Variants in NHS observed in about 807,000 individuals in gnomAD.
The protein encoded by NHS is actin remodeling regulator NHS.
A neutral mutation model predicts 72.5 loss-of-function variants in NHS; 5 were observed. The ratio of observed to expected loss-of-function variants is 0.07; its 90% CI spans 0.04 to 0.14. The LOEUF (loss-of-function observed/expected upper bound fraction) is 0.14, where lower values mean the gene tolerates loss of function less well. NHS is among the 10% of genes least tolerant of loss of function. NHS has a pLI of 1.00. For missense variants in NHS, 1,072 were observed against 1,355.7 expected (o/e 0.79, Z 3.29); for synonymous variants, 464 against 547.7 (o/e 0.85, Z 2.13).
At chrX:17,454,978 T>G (rs998282014) in intron 1 of NHS, among the ~76,000 whole-genome samples, 3 of 112,092 alleles carry the variant, frequency 2.7e-5, no homozygotes, top group Non-Finnish European at 5.6e-5. Context: ...GGTTTCTACC[T>G]CTTAGAGGTT....
chrX:17,463,547 T>C (rs1233627218), intron 1 of NHS, among the ~76,000 whole-genome samples: 1 of 111,390 alleles, frequency 9.0e-6, no homozygotes, highest in East Asian at 2.8e-4. Context: ...AAATAGGATA[T>C]TATTGAAACT....
chrX:17,563,304 G>A (rs1214343896), intron 1 of NHS, among the ~76,000 whole-genome samples: 3 of 112,517 alleles, frequency 2.7e-5, no homozygotes, highest in Non-Finnish European at 3.8e-5. Context: ...GGCACATAGG[G>A]GGCATTCAGT....
At chrX:17,615,205 T>TATATATACAC (rs1491203765) in intron 1 of NHS, among the ~76,000 whole-genome samples, 1 of 88,775 alleles carries the variant, frequency 1.1e-5, no homozygotes, top group African/African-American at 5.3e-5. Flanking sequence ...CATATATACG[T>TATATATACAC]ATATATATAC....
rs144822621 is a variant in NHS at position 17,587,329 on chromosome X, C to T, written c.566-100413C>T. ...CTTCCCTTCCTCACCAGGTCTGCTG[C>T]TCTGGGAACAGGGTTGAGAACCCCT... is the stretch of plus-strand genomic sequence containing the variant. On this transcript the variant is annotated intron_variant, in intron 1 of 8. Transcript: ENST00000676302. 1.7e-3 allele frequency among the ~76,000 whole-genome samples: 187 copies of T among 112,302 alleles called. 1 individual carries two copies. Among genetic ancestry groups the T allele is most frequent in the African/African-American group, 5.6e-3 (174 of 30,950 alleles).
At chrX:17,418,767 G>T (rs780987884) in intron 1 of NHS, among the ~76,000 whole-genome samples, 1 of 111,709 alleles carries the variant, frequency 9.0e-6, no homozygotes, top group African/African-American at 3.3e-5. Context: ...TAATTTGGAA[G>T]TGAAGGAAAG....
intron 1 of NHS, among the ~76,000 whole-genome samples, chrX:17,555,343 C>T (rs1439756050): frequency 1.8e-5 from 2 of 109,081 alleles, no homozygotes; most frequent in African/African-American, 6.7e-5. Context: ...ATCTCTGTTG[C>T]GTGTGGCTGA....
At chrX:17,621,095 A>G (rs1184382946) in intron 1 of NHS, among the ~76,000 whole-genome samples, 1 of 112,545 alleles carries the variant, frequency 8.9e-6, no homozygotes, top group African/African-American at 3.2e-5. Context: ...CAGGCCCCAG[A>G]TGAAGGCCTG....
chrX:17,519,337 A>G (rs1248030113), intron 1 of NHS, among the ~76,000 whole-genome samples: 2 of 112,536 alleles, frequency 1.8e-5, no homozygotes, highest in East Asian at 2.8e-4. Context: ...TCATTCTTTC[A>G]TCTCCAGTAT....
At chrX:17,477,435 G>A (rs754422099) in intron 1 of NHS, among the ~76,000 whole-genome samples, 12 of 112,306 alleles carry the variant, frequency 1.1e-4, no homozygotes, top group African/African-American at 3.2e-4. Context: ...AGAAGAGCTC[G>A]GAGAAATCCC....
At chrX:17,722,181 C>G in intron 5 of NHS, among the ~76,000 whole-genome samples, 1 of 112,304 alleles carries the variant, frequency 8.9e-6, no homozygotes. Context: ...CTTTCACTCT[C>G]TTTTTTTCTC....
chrX:17,654,282 T>C (rs1435442423), intron 1 of NHS, among the ~76,000 whole-genome samples: 1 of 111,349 alleles, frequency 9.0e-6, no homozygotes, highest in Non-Finnish European at 1.9e-5. Context: ...TTGGGGTGCA[T>C]GGCTGTCTTC....
intron 1 of NHS, among the ~76,000 whole-genome samples, chrX:17,578,812 T>C (rs1354594794): frequency 8.9e-6 from 1 of 112,197 alleles, no homozygotes; most frequent in East Asian, 2.8e-4. Flanking sequence ...ACCTGGCATA[T>C]AGTAAGTGCT....
intron 1 of NHS, among the ~76,000 whole-genome samples, chrX:17,676,911 A>G (rs779253481): frequency 1.6e-4 from 18 of 112,308 alleles, no homozygotes; most frequent in Non-Finnish European, 3.0e-4. Flanking sequence ...TAAGGTCAAG[A>G]TGGTTGAATA....
intron 1 of NHS, among the ~76,000 whole-genome samples, chrX:17,443,025 C>T (rs1051097676): frequency 8.9e-6 from 1 of 111,834 alleles, no homozygotes; most frequent in African/African-American, 3.3e-5. Flanking sequence ...TCAGGCCATG[C>T]CAGCAAGGCC....
chrX:17,549,268 A>G (rs193197668), intron 1 of NHS, among the ~76,000 whole-genome samples: 1 of 110,693 alleles, frequency 9.0e-6, no homozygotes, highest in African/African-American at 3.3e-5. Flanking sequence ...CTTTTCTGGA[A>G]ACTGTGGAAG....
intron 8 of NHS, among the ~76,000 whole-genome samples, chrX:17,730,424 T>C (rs1448640166): frequency 8.9e-6 from 1 of 112,460 alleles, no homozygotes; most frequent in African/African-American, 3.2e-5. Context: ...CTAAAAGCCA[T>C]TGTTAGTTTG....
Position 17,545,915 on chromosome X carries a change from C to A in NHS, c.566-141827C>A, listed in dbSNP as rs770646324. Among the ~76,000 whole-genome samples, 7 of 112,375 alleles carry A rather than the reference C, an allele frequency of 6.2e-5. No individual in the cohort carries two copies. The Admixed American group carries it at 6.6e-4, about 11-fold the overall frequency. ...CCAATTATTTTAACAGAGAATTTAG[C>A]AGAAGGCATTGGTTAAACAGATCTT... is the stretch of plus-strand genomic sequence containing the variant. On this transcript the variant is annotated intron_variant, in intron 1 of 8. Coordinates refer to ENST00000676302, the MANE Select transcript of NHS (RefSeq NM_001291867.2).
chrX:17,405,480 T>C (rs1296467044), intron 1 of NHS, among the ~76,000 whole-genome samples: 1 of 112,028 alleles, frequency 8.9e-6, no homozygotes, highest in Non-Finnish European at 1.9e-5. Context: ...AGGAGGGACA[T>C]GTGATGACTA....
At chrX:17,578,076 A>T (rs1329195317) in intron 1 of NHS, among the ~76,000 whole-genome samples, 2 of 112,288 alleles carry the variant, frequency 1.8e-5, no homozygotes, top group African/African-American at 6.5e-5. Context: ...TCCTAGAAAT[A>T]ATATAAAATA....
Sources: gnomAD v4.1 joint callset for allele counts (sites outside exome capture counted in the v4.1 genomes callset) on GRCh38, gnomAD v4.1.1 for gene constraint, MANE v1.5 for transcripts, NCBI Gene and HGNC (gene_info 2026-07-23, HGNC 2026-07-21) for gene names.